Variants in FBXL5 observed in about 807,000 individuals in gnomAD.
The protein encoded by FBXL5 is F-box and leucine rich repeat protein 5.
In FBXL5, 26 loss-of-function variants were observed where a neutral mutation model predicts 78.3. The ratio of observed to expected loss-of-function variants is 0.33; its 90% CI spans 0.24 to 0.46. FBXL5 has a LOEUF of 0.46. Among genes scored for constraint, FBXL5 ranks in the 20% least tolerant of loss-of-function variants. The probability of loss-of-function intolerance (pLI) is 1.00; values close to 1 mark genes in which losing one functional copy is unlikely to be tolerated. For missense variants in FBXL5, 710 were observed against 829.2 expected, an observed-to-expected ratio of 0.86 and a Z score of 1.77; for synonymous variants, 295 against 282.5, an observed-to-expected ratio of 1.04 and a Z score of -0.45.
intron 2 of FBXL5, among the ~76,000 whole-genome samples, chr4:15,641,843 G>A (rs988883631): frequency 5.9e-5 from 9 of 151,902 alleles, no homozygotes; most frequent in Non-Finnish European, 8.8e-5. Context: ...CCAGCCCAAC[G>A]CGGCGAAACC....
upstream of FBXL5, chr4:15,659,648 TG>T: frequency 3.8e-6 from 2 of 521,216 alleles, no homozygotes; most frequent in African/African-American, 2.0e-5. Flanking sequence ...ATGTGTATAG[TG>T]GTCCATAAAG....
At chr4:15,630,594 C>A in intron 6 of FBXL5, 72 bp downstream of exon 6, 1 of 1,310,422 alleles carries the variant, frequency 7.6e-7, no homozygotes, top group Non-Finnish European at 1.0e-6. Flanking sequence ...AATCTAATAC[C>A]TAATAATTAT....
upstream of FBXL5, among the ~76,000 whole-genome samples, chr4:15,656,950 C>G (rs1303008046): frequency 1.3e-5 from 2 of 149,920 alleles, no homozygotes; most frequent in African/African-American, 4.8e-5. Context: ...CTGACAGTAC[C>G]CCCAGAGTCA....
At chr4:15,675,936 A>G (rs1437304948) in intron 1 of FBXL5, among the ~76,000 whole-genome samples, 2 of 152,226 alleles carry the variant, frequency 1.3e-5, no homozygotes, top group Admixed American at 6.5e-5. Context: ...TACCTCAAAC[A>G]GAATTCTTTC....
chr4:15,635,942 T>C (rs1714219427), intron 5 of FBXL5, among the ~76,000 whole-genome samples: 1 of 152,136 alleles, frequency 6.6e-6, no homozygotes, highest in African/African-American at 2.4e-5. Flanking sequence ...GAAACTGTGA[T>C]TCAGAGAATG....
At chr4:15,654,764 G>A (rs1331581505) in intron 1 of FBXL5, among the ~76,000 whole-genome samples, 1 of 152,180 alleles carries the variant, frequency 6.6e-6, no homozygotes, top group Non-Finnish European at 1.5e-5. Flanking sequence ...AACAGGCCCG[G>A]GGGAGTGACG....
chr4:15,622,070 T>G (rs1396541266), intron 9 of FBXL5, among the ~76,000 whole-genome samples: 1 of 152,198 alleles, frequency 6.6e-6, no homozygotes, highest in Non-Finnish European at 1.5e-5. Context: ...TGGGCTCAAG[T>G]GATCCTACTG....
intron 9 of FBXL5, among the ~76,000 whole-genome samples, chr4:15,615,914 G>A (rs550276686): frequency 1.1e-4 from 17 of 152,164 alleles, no homozygotes; most frequent in African/African-American, 3.6e-4. Flanking sequence ...TTGTTCTTTC[G>A]CTCTTTGCAA....
chr4:15,639,558 AT>A (rs1560230534), intron 3 of FBXL5, among the ~76,000 whole-genome samples: 2 of 152,232 alleles, frequency 1.3e-5, no homozygotes, highest in Non-Finnish European at 2.9e-5. Context: ...TCAATCTCCA[AT>A]TTACAGAATT....
chr4:15,680,601 A>T (rs1718194063), intron 1 of FBXL5, among the ~76,000 whole-genome samples: 1 of 152,056 alleles, frequency 6.6e-6, no homozygotes. Flanking sequence ...CGCTTGAACC[A>T]GGAGGCTGAG....
At chr4:15,639,307 T>TA in intron 3 of FBXL5, among the ~76,000 whole-genome samples, 1 of 152,360 alleles carries the variant, frequency 6.6e-6, no homozygotes, top group South Asian at 2.1e-4. Context: ...GTTAGATGTT[T>TA]AGGTCAGTTA....
chr4:15,643,466 A>C (rs981048392), intron 2 of FBXL5, among the ~76,000 whole-genome samples: 2 of 152,292 alleles, frequency 1.3e-5, no homozygotes, highest in African/African-American at 4.8e-5. Flanking sequence ...ATTATCCTAA[A>C]CTATACCCAG....
intron 1 of FBXL5, among the ~76,000 whole-genome samples, chr4:15,667,815 G>T (rs1048556209): frequency 6.6e-6 from 1 of 152,104 alleles, no homozygotes; most frequent in African/African-American, 2.4e-5. Flanking sequence ...GCCAATGTGG[G>T]CGGATCACCT....
Position 15,650,965 on chromosome 4 carries a change from A to G in FBXL5, c.84+4239T>C, listed in dbSNP as rs116790758. On this transcript the variant is annotated intron_variant, in intron 1 of 10. Coordinates refer to ENST00000341285, the MANE Select transcript of FBXL5 (RefSeq NM_012161.4). ...TTTCTGTCTCAGACATTCTACAGTG[A>G]TAAATCAAGTATTACAGCCTGGTTT... Among the ~76,000 whole-genome samples the G allele has an allele frequency of 5.5e-3, 838 of 152,312 alleles. 7 individuals carry two copies. The highest frequency in any genetic ancestry group is 0.019 in the African/African-American group (805 of 41,560).
At chr4:15,676,842 C>G (rs1718012469) in intron 1 of FBXL5, among the ~76,000 whole-genome samples, 2 of 151,900 alleles carry the variant, frequency 1.3e-5, no homozygotes, top group South Asian at 4.2e-4. Context: ...TACATGTTAC[C>G]TAATATATCA....
chr4:15,638,727 GC>G, intron 3 of FBXL5, 33 bp from the exon 4 acceptor site: 1 of 1,359,368 alleles, frequency 7.4e-7, no homozygotes, highest in Non-Finnish European at 1.0e-6. Flanking sequence ...GAGGAAAGAT[GC>G]TTCATTCGTG....
chr4:15,655,151 G>T, intron 1 of FBXL5, 53 bp downstream of exon 1: 1 of 1,312,122 alleles, frequency 7.6e-7, no homozygotes, highest in African/African-American at 1.5e-5. Context: ...AACCCAGCCC[G>T]CTCCCCATCG....
intron 2 of FBXL5, among the ~76,000 whole-genome samples, chr4:15,641,788 A>T (rs1015333303): frequency 2.0e-5 from 3 of 152,094 alleles, no homozygotes; most frequent in African/African-American, 7.2e-5. Context: ...CCACTTTGGG[A>T]CGCAGAGGCA....
At chr4:15,639,912 T>G (rs1714669224) in intron 3 of FBXL5, among the ~76,000 whole-genome samples, 1 of 152,244 alleles carries the variant, frequency 6.6e-6, no homozygotes, top group Admixed American at 6.5e-5. Context: ...CCGTTCCTCA[T>G]AAAATAATTT....
Sources: gnomAD v4.1 joint callset for allele counts (sites outside exome capture counted in the v4.1 genomes callset) on GRCh38, gnomAD v4.1.1 for gene constraint, MANE v1.5 for transcripts, NCBI Gene and HGNC (gene_info 2026-07-23, HGNC 2026-07-21) for gene names.